The following PRKAR1A variants were observed in gnomAD, a reference collection of about 807,000 sequenced individuals.
PRKAR1A encodes the protein cAMP-dependent protein kinase type I-alpha regulatory subunit.
In PRKAR1A, 3 loss-of-function variants were observed where a neutral mutation model predicts 52.0. The ratio of observed to expected loss-of-function variants is 0.06; its 90% CI spans 0.03 to 0.15. The LOEUF is 0.15. Among genes scored for constraint, PRKAR1A ranks in the 10% least tolerant of loss-of-function variants. PRKAR1A has a pLI of 1.00. For synonymous variants in PRKAR1A, 188 were observed against 168.4 expected (o/e 1.12, Z -0.90); for missense variants, 240 against 477.4 (o/e 0.50, Z 4.63).
chr17:68,445,190 G>GA, the PRKAR1A span, among the ~76,000 whole-genome samples: 1 of 152,046 alleles, frequency 6.6e-6, no homozygotes, highest in Non-Finnish European at 1.5e-5. Context: ...AAAGTGCTGG[G>GA]ATGATAGGCC....
the PRKAR1A span, among the ~76,000 whole-genome samples, chr17:68,489,186 GTA>G: frequency 0.011 from 127 of 11,076 alleles, 4 homozygotes; most frequent in African/African-American, 0.021. Context: ...ATCTTGGAAA[GTA>G]TATATATATA....
chr17:68,523,361 A>C (rs1241940585), intron 3 of PRKAR1A, among the ~76,000 whole-genome samples: 1 of 152,240 alleles, frequency 6.6e-6, no homozygotes, highest in Non-Finnish European at 1.5e-5. Context: ...TTGTCCTGGC[A>C]CTTGAGGCTT....
At chr17:68,480,831 C>T in the PRKAR1A span, among the ~76,000 whole-genome samples, 14 of 152,164 alleles carry the variant, frequency 9.2e-5, no homozygotes, top group African/African-American at 1.9e-4. Context: ...TGCAAGCCAC[C>T]GTGCCCAGCC....
chr17:68,524,905 CTT>C lies in PRKAR1A; in HGVS notation c.503-4_503-3del. On this transcript the variant is annotated splice_region_variant and splice_polypyrimidine_tract_variant and intron_variant, in intron 5 of 10. Coordinates refer to ENST00000589228, the MANE Select transcript of PRKAR1A (RefSeq NM_002734.5). The stretch of plus-strand genomic sequence containing the variant: ...AATATGCTTCTAACTTTTTTACCCT[CTT>C]TTAGGTGATGAAGGGGATAACTTCT... 6.2e-7 allele frequency: 1 copy of C among 1,603,716 alleles called. No homozygotes were observed. The highest frequency in any genetic ancestry group is 1.3e-5 in the African/African-American group (1 of 74,698).
At chr17:68,509,306 G>A (rs2085233826), upstream of PRKAR1A, among the ~76,000 whole-genome samples, 1 of 152,126 alleles carries the variant, frequency 6.6e-6, no homozygotes, top group Admixed American at 6.6e-5. Context: ...CCCAGTACAT[G>A]CGTGGGTCAC....
At chr17:68,457,191 G>T in the PRKAR1A span, 1 of 884,846 alleles carries the variant, frequency 1.1e-6, no homozygotes, top group Non-Finnish European at 1.7e-6. Context: ...GGGGTACGGG[G>T]ATAACAAGAT....
the PRKAR1A span, among the ~76,000 whole-genome samples, chr17:68,451,621 G>A: frequency 1.3e-5 from 2 of 152,258 alleles, no homozygotes; most frequent in East Asian, 1.9e-4. Flanking sequence ...TTTCAAAGGC[G>A]TGACTTCTCA....
chr17:68,506,514 C>T, the PRKAR1A span, among the ~76,000 whole-genome samples: 1 of 143,832 alleles, frequency 7.0e-6, no homozygotes, highest in Non-Finnish European at 1.5e-5. Flanking sequence ...GACAGAGTGT[C>T]GCTCTATCAC....
At chr17:68,514,471 A>G (rs560065692) in intron 1 of PRKAR1A, among the ~76,000 whole-genome samples, 6 of 152,328 alleles carry the variant, frequency 3.9e-5, no homozygotes, top group Admixed American at 2.6e-4. Flanking sequence ...ATTCTAGGGT[A>G]AGGTTAGCTG....
rs76553740 is a variant in PRKAR1A, at chr17:68,514,197, T to C, written c.-6-1197T>C. Reference sequence around the variant, plus strand: ...GTCTACTTGTTGTTGACCTTTATGGTGAAAGTTGTCAAAACAAAATGAGTA... The same window carrying C: ...GTCTACTTGTTGTTGACCTTTATGGCGAAAGTTGTCAAAACAAAATGAGTA... On this transcript the variant is annotated intron_variant, in intron 1 of 10. Coordinates refer to ENST00000589228, the MANE Select transcript of PRKAR1A (RefSeq NM_002734.5). 7.8e-3 allele frequency among the ~76,000 whole-genome samples: 1,189 copies of C among 152,372 alleles called. 9 individuals carry two copies. The highest frequency in any genetic ancestry group is 0.012 in the Non-Finnish European group (789 of 68,032).
chr17:68,542,542 G>C, intron 11 of PRKAR1A: 1 of 714,472 alleles, frequency 1.4e-6, no homozygotes, highest in South Asian at 1.5e-5. Context: ...TGGTCAGGCA[G>C]ACCATGGTGG....
chr17:68,545,349 C>G (rs1648315750), intron 11 of PRKAR1A, among the ~76,000 whole-genome samples: 1 of 152,170 alleles, frequency 6.6e-6, no homozygotes, highest in South Asian at 2.1e-4. Flanking sequence ...TCTAGACCAC[C>G]ACAATGAAGC....
the PRKAR1A span, chr17:68,427,425 C>T: frequency 1.1e-5 from 5 of 469,532 alleles, no homozygotes; most frequent in Non-Finnish European, 1.5e-5. Flanking sequence ...GGCGCAATCT[C>T]GGCTCACTGC....
the PRKAR1A span, among the ~76,000 whole-genome samples, chr17:68,456,321 T>G: frequency 6.6e-6 from 1 of 152,334 alleles, no homozygotes; most frequent in East Asian, 1.9e-4. Context: ...CATAATGGCC[T>G]TAATTACACC....
chr17:68,436,430 A>G, the PRKAR1A span: 1 of 1,614,096 alleles, frequency 6.2e-7, no homozygotes, highest in Non-Finnish European at 8.5e-7. Context: ...TCAGGCTTCC[A>G]GGATAGGCCA....
Position 68,533,409 on chromosome 17 carries a change from CAAT to C in PRKAR1A, c.*2963_*2965del, listed in dbSNP as rs1222502674. The C allele has an allele frequency of 1.9e-5, 20 of 1,058,560 alleles. No homozygotes were observed. Among genetic ancestry groups the C allele is most frequent in the Admixed American group, 1.1e-4 (2 of 18,566 alleles). The allele number at this position is 1,058,560 out of a possible 1,614,324, so 65.6% of individuals were successfully genotyped here. Reference sequence around the variant, plus strand: ...CTGGAGTATGAAACCTTTAGAGTCACAATAAAATGTAACTAAAGAAAATTTCTC... The same window carrying C: ...CTGGAGTATGAAACCTTTAGAGTCACAAAATGTAACTAAAGAAAATTTCTC... On this transcript the variant is annotated 3_prime_UTR_variant, in exon 11 of 11. Transcript: ENST00000589228.
At chr17:68,496,022 CCCTCCTCTCCCCT>C in the PRKAR1A span, among the ~76,000 whole-genome samples, 1 of 2,004 alleles carries the variant, frequency 5.0e-4, no homozygotes, top group Non-Finnish European at 9.8e-4. Flanking sequence ...CCCTGCGCTC[CCCTCCTCTCCCCT>C]CCTCTCCTCT....
the PRKAR1A span, among the ~76,000 whole-genome samples, chr17:68,465,752 A>C: frequency 6.7e-6 from 1 of 148,294 alleles, no homozygotes; most frequent in Non-Finnish European, 1.5e-5. Flanking sequence ...TACAGGCATG[A>C]GCCATCGCGC....
chr17:68,539,310 CGTATTATCT>C, intron 11 of PRKAR1A: 2 of 1,613,058 alleles, frequency 1.2e-6, no homozygotes, highest in Non-Finnish European at 1.7e-6. Context: ...GTTACTTGCC[CGTATTATCT>C]GCTGCAGGAA....
Sources: allele counts gnomAD v4.1 joint callset (sites outside exome capture counted in the v4.1 genomes callset), GRCh38; gene constraint gnomAD v4.1.1; transcripts MANE v1.5; gene names NCBI Gene and HGNC (gene_info 2026-07-23, HGNC 2026-07-21).